The following RFTN2 variants were observed in gnomAD, a reference collection of about 807,000 sequenced individuals.
The protein encoded by RFTN2 is raftlin-2.
RFTN2 carries 34 observed loss-of-function variants against 52.7 expected under a neutral mutation model. The observed-to-expected ratio is 0.64, with a 90% CI of 0.49 to 0.86. RFTN2 has a LOEUF of 0.86. Among genes scored for constraint, RFTN2 ranks in the 40% least tolerant of loss-of-function variants. The pLI is 0.00. For synonymous variants in RFTN2, 203 were observed against 217.7 expected (o/e 0.93, Z 0.59); for missense variants, 536 against 600.1 (o/e 0.89, Z 1.12).
intron 7 of RFTN2, among the ~76,000 whole-genome samples, chr2:197,612,276 C>T (rs924661617): frequency 1.3e-5 from 2 of 151,986 alleles, no homozygotes; most frequent in Non-Finnish European, 2.9e-5. Flanking sequence ...TCTCTCTCAC[C>T]CCCTCCCTTA....
chr2:197,588,274 C>CT (rs957770766), intron 8 of RFTN2, among the ~76,000 whole-genome samples: 1 of 152,058 alleles, frequency 6.6e-6, no homozygotes, highest in Non-Finnish European at 1.5e-5. Flanking sequence ...GTACATAAAA[C>CT]TTTTTTTTGA....
intron 3 of RFTN2, among the ~76,000 whole-genome samples, chr2:197,636,960 A>G (rs1295519476): frequency 6.6e-6 from 1 of 152,162 alleles, no homozygotes; most frequent in Non-Finnish European, 1.5e-5. Context: ...GTGTTGTTAA[A>G]TTTTGTCAAA....
chr2:197,599,539 C>G (rs1261973948), intron 7 of RFTN2, among the ~76,000 whole-genome samples: 1 of 152,016 alleles, frequency 6.6e-6, no homozygotes, highest in African/African-American at 2.4e-5. Context: ...TTATCAAAGG[C>G]TCGGTGGGTT....
chr2:197,634,386 A>G (rs2088524040), intron 3 of RFTN2, among the ~76,000 whole-genome samples: 1 of 152,166 alleles, frequency 6.6e-6, no homozygotes, highest in African/African-American at 2.4e-5. Flanking sequence ...TACCAAATAC[A>G]TCTTCATTAA....
intron 1 of RFTN2, among the ~76,000 whole-genome samples, chr2:197,670,548 A>G (rs2106276647): frequency 6.6e-6 from 1 of 151,650 alleles, no homozygotes; most frequent in African/African-American, 2.4e-5. Context: ...ATGGTGGCAC[A>G]TGTGTAGTCC....
intron 7 of RFTN2, among the ~76,000 whole-genome samples, chr2:197,598,988 G>A (rs1329660005): frequency 1.3e-5 from 2 of 149,722 alleles, no homozygotes; most frequent in Admixed American, 6.7e-5. Flanking sequence ...GTCTCGCTCT[G>A]TCGCCCAGGC....
At chr2:197,605,437 G>T (rs567322247) in intron 7 of RFTN2, among the ~76,000 whole-genome samples, 198 of 152,000 alleles carry the variant, frequency 1.3e-3, no homozygotes, top group Non-Finnish European at 2.0e-3. Context: ...GGATGATCTC[G>T]ATCTCCTGAC....
At chr2:197,575,086 T>A (rs916425665) in intron 8 of RFTN2, among the ~76,000 whole-genome samples, 1 of 152,120 alleles carries the variant, frequency 6.6e-6, no homozygotes, top group South Asian at 2.1e-4. Context: ...AATTGAATCA[T>A]GGGGGTGGGT....
At chr2:197,674,231 G>A (rs964475124) in intron 1 of RFTN2, among the ~76,000 whole-genome samples, 3 of 148,878 alleles carry the variant, frequency 2.0e-5, no homozygotes, top group African/African-American at 7.4e-5. Context: ...TACAGATTTT[G>A]TGTATGTCCC....
Position 197,644,187 on chromosome 2 carries a change from T to C in RFTN2, c.409A>G (p.Asn137Asp). The C allele has an allele frequency of 6.2e-7, 1 of 1,611,780 alleles. No homozygotes were observed. Among genetic ancestry groups the C allele is most frequent in the Non-Finnish European group, 8.5e-7 (1 of 1,177,834 alleles). Residue 137 changes from asparagine to aspartate, a missense_variant, in exon 3 of 9, where the codon AAT becomes GAT. Asn to Asp is a conservative substitution (Grantham distance 23, BLOSUM62 1). Transcript: ENST00000295049. ...ECPLTSEAQT[N>D]DAAKELIEKI... ...TCTATCAGTTCTTTTGCTGCGTCAT[T>C]TGTTTGTGCCTCAGAAGTTAGGGGA...
At chr2:197,596,313 T>A (rs908309779) in intron 7 of RFTN2, among the ~76,000 whole-genome samples, 1 of 152,166 alleles carries the variant, frequency 6.6e-6, no homozygotes, top group African/African-American at 2.4e-5. Flanking sequence ...AAGGAAATAA[T>A]TTTAATGTTT....
chr2:197,597,912 C>T (rs1292168398), intron 7 of RFTN2, among the ~76,000 whole-genome samples: 3 of 152,150 alleles, frequency 2.0e-5, no homozygotes, highest in African/African-American at 7.2e-5. Flanking sequence ...CAAGAAGGAA[C>T]ACAACAACTG....
chr2:197,620,142 T>G (rs2088238291), intron 5 of RFTN2, among the ~76,000 whole-genome samples: 1 of 151,938 alleles, frequency 6.6e-6, no homozygotes, highest in Non-Finnish European at 1.5e-5. Context: ...TAAGATTACT[T>G]CAAAAGACCT....
In RFTN2 at chr2:197,603,060, G is replaced by T. The variant is rs575829836; in HGVS notation, c.1155-6991C>A. ...GACATAGGAACGGGAACATCACACAGTGGGGACTGTTGTGGGGTGCAGGGA... is the reference window on the plus strand; with the variant it reads ...GACATAGGAACGGGAACATCACACATTGGGGACTGTTGTGGGGTGCAGGGA... On this transcript the variant is annotated intron_variant, in intron 7 of 8. Coordinates refer to ENST00000295049, the MANE Select transcript of RFTN2 (RefSeq NM_144629.3). Among the ~76,000 whole-genome samples, 138 of 152,330 alleles carry T rather than the reference G, an allele frequency of 9.1e-4. 1 individual carries two copies. The highest frequency in any genetic ancestry group is 3.2e-3 in the African/African-American group (131 of 41,578).
chr2:197,646,888 T>C (rs2088758530), intron 1 of RFTN2, among the ~76,000 whole-genome samples: 1 of 119,982 alleles, frequency 8.3e-6, no homozygotes, highest in Non-Finnish European at 1.7e-5. Context: ...TAGTAGGACA[T>C]TGTCTCTACA....
intron 7 of RFTN2, among the ~76,000 whole-genome samples, chr2:197,605,248 T>C (rs2087940307): frequency 6.6e-6 from 1 of 151,914 alleles, no homozygotes; most frequent in African/African-American, 2.4e-5. Flanking sequence ...AGACGGAGTC[T>C]GGCTCTGTCT....
At chr2:197,640,690 G>A (rs1006437362) in intron 3 of RFTN2, among the ~76,000 whole-genome samples, 2 of 151,982 alleles carry the variant, frequency 1.3e-5, no homozygotes, top group South Asian at 2.1e-4. Context: ...GAAATCACCC[G>A]TCTTCTGCGT....
chr2:197,580,958 C>T (rs1053217861), intron 8 of RFTN2, among the ~76,000 whole-genome samples: 1 of 152,140 alleles, frequency 6.6e-6, no homozygotes, highest in African/African-American at 2.4e-5. Flanking sequence ...TCGTCCCAAC[C>T]CAAAACCTCC....
At chr2:197,667,979 C>T (rs2089085044) in intron 1 of RFTN2, among the ~76,000 whole-genome samples, 1 of 152,032 alleles carries the variant, frequency 6.6e-6, no homozygotes, top group Non-Finnish European at 1.5e-5. Context: ...GGGTCCTTGG[C>T]CCCCTGGGGA....
Sources: allele counts gnomAD v4.1 joint callset (sites outside exome capture counted in the v4.1 genomes callset), GRCh38; gene constraint gnomAD v4.1.1; transcripts MANE v1.5; gene names NCBI Gene and HGNC (gene_info 2026-07-23, HGNC 2026-07-21).